CNTNAP2: variants seen among roughly 807,000 people sequenced by gnomAD.
CNTNAP2 encodes the protein contactin associated protein 2, also known as contactin-associated protein-like 2.
Under a neutral mutation model 155.2 loss-of-function variants are expected in CNTNAP2, and 98 were observed. The ratio of observed to expected loss-of-function variants is 0.63; its 90% CI spans 0.54 to 0.75. CNTNAP2 has a LOEUF of 0.75. CNTNAP2 is among the 30% of genes least tolerant of loss of function. The pLI is 0.00. For missense variants in CNTNAP2, 1,727 were observed against 1,688.1 expected (o/e 1.02, Z -0.40); for synonymous variants, 651 against 631.2 (o/e 1.03, Z -0.47).
At chr7:147,229,574 A>G (rs1563125592) in intron 8 of CNTNAP2, among the ~76,000 whole-genome samples, 1 of 152,246 alleles carries the variant, frequency 6.6e-6, no homozygotes, top group Non-Finnish European at 1.5e-5. Context: ...TAAACTTGAT[A>G]GAAAAGGCCA....
chr7:146,853,571 C>T (rs999780889), intron 3 of CNTNAP2, among the ~76,000 whole-genome samples: 3 of 152,180 alleles, frequency 2.0e-5, no homozygotes, highest in African/African-American at 7.2e-5. Context: ...TCACCATGCA[C>T]TGAGTACTTA....
At chr7:146,977,498 A>G (rs1324000405) in intron 3 of CNTNAP2, among the ~76,000 whole-genome samples, 5 of 152,210 alleles carry the variant, frequency 3.3e-5, no homozygotes, top group Non-Finnish European at 7.3e-5. Flanking sequence ...TTGATGGCCT[A>G]TTAGCCCTTT....
chr7:148,371,986 G>T (rs1334069198), intron 21 of CNTNAP2, among the ~76,000 whole-genome samples: 2 of 152,062 alleles, frequency 1.3e-5, no homozygotes, highest in African/African-American at 4.8e-5. Flanking sequence ...GGATCACAAG[G>T]TCAGGAGATC....
chr7:147,830,389 T>C (rs1388809085), intron 13 of CNTNAP2, among the ~76,000 whole-genome samples: 1 of 152,054 alleles, frequency 6.6e-6, no homozygotes, highest in African/African-American at 2.4e-5. Context: ...TAATACCATA[T>C]GTAAAGGCTC....
chr7:146,775,750 G>C (rs1802379708), intron 2 of CNTNAP2, among the ~76,000 whole-genome samples: 1 of 151,870 alleles, frequency 6.6e-6, no homozygotes, highest in African/African-American at 2.4e-5. Flanking sequence ...GACCAAAAAA[G>C]AGAAGAAAAT....
chr7:146,261,911 G>A (rs986800514), intron 1 of CNTNAP2, among the ~76,000 whole-genome samples: 4 of 152,158 alleles, frequency 2.6e-5, no homozygotes, highest in African/African-American at 9.7e-5. Flanking sequence ...AGGAAGAAAT[G>A]AAATTAAACT....
chr7:147,889,347 C>A (rs116956878), intron 13 of CNTNAP2, among the ~76,000 whole-genome samples: 4,986 of 151,598 alleles, frequency 0.033, 130 homozygotes, highest in Non-Finnish European at 0.053. Context: ...TAATTTTAGA[C>A]AATTAAAAAG....
intron 13 of CNTNAP2, among the ~76,000 whole-genome samples, chr7:147,812,748 A>T (rs1365488819): frequency 6.6e-6 from 1 of 152,172 alleles, no homozygotes; most frequent in Non-Finnish European, 1.5e-5. Context: ...ACTTCTTTTT[A>T]AAAAATGCTT....
At chr7:148,228,191 A>G (rs1232823576) in intron 19 of CNTNAP2, among the ~76,000 whole-genome samples, 3 of 152,150 alleles carry the variant, frequency 2.0e-5, no homozygotes, top group Admixed American at 1.3e-4. Flanking sequence ...GCTCTGAGAT[A>G]TCAACATGAA....
rs928096594 is a variant in CNTNAP2 at position 147,832,754 on chromosome 7, A to G, written c.2099-70811A>G. Among the ~76,000 whole-genome samples, 247 of 145,052 alleles carry G rather than the reference A, an allele frequency of 1.7e-3. 1 individual carries two copies. Among genetic ancestry groups the G allele is most frequent in the African/African-American group, 5.8e-3 (234 of 40,648 alleles). ...TAAATATTTTATAATTTAATGACAT[A>G]TAAACATTTAATTAAATTGTACATT... On this transcript the variant is annotated intron_variant, in intron 13 of 23. Transcript: ENST00000361727.
rs112163050 is a variant in CNTNAP2, at chr7:148,061,920, T to TATAGATAG, written c.2384-56178_2384-56171dup. 2.9e-3 allele frequency among the ~76,000 whole-genome samples: 363 copies of TATAGATAG among 125,418 alleles called. 11 individuals are homozygous for TATAGATAG. The highest frequency in any genetic ancestry group is 0.016 in the East Asian group (67 of 4,284). 82.3% of individuals were successfully genotyped at this position (125,418 alleles called of 152,430 possible). ...ATAGATAGATAGATAGATAAACAGA[T>TATAGATAG]ATAGATAGATAGATAGATAGATAGA... On this transcript the variant is annotated intron_variant, in intron 15 of 23. Coordinates refer to ENST00000361727, the MANE Select transcript of CNTNAP2 (RefSeq NM_014141.6).
chr7:147,077,847 T>G (rs1800026283), intron 4 of CNTNAP2, among the ~76,000 whole-genome samples: 1 of 152,168 alleles, frequency 6.6e-6, no homozygotes, highest in African/African-American at 2.4e-5. Context: ...AAGTACTATA[T>G]AAATGTAATA....
chr7:146,765,175 T>A (rs1802173152), intron 1 of CNTNAP2, among the ~76,000 whole-genome samples: 1 of 152,182 alleles, frequency 6.6e-6, no homozygotes, highest in Non-Finnish European at 1.5e-5. Flanking sequence ...AAAAACTCAT[T>A]TGCTGGAGCC....
intron 2 of CNTNAP2, among the ~76,000 whole-genome samples, chr7:146,812,079 G>C (rs188900096): frequency 3.9e-5 from 6 of 152,228 alleles, no homozygotes; most frequent in Admixed American, 1.3e-4. Context: ...GGGTGTTGCT[G>C]TATAGATACC....
chr7:148,143,806 A>T (rs1304909484), intron 16 of CNTNAP2, among the ~76,000 whole-genome samples: 1 of 152,182 alleles, frequency 6.6e-6, no homozygotes, highest in Non-Finnish European at 1.5e-5. Context: ...TAAGAACCAC[A>T]GCTTCCCACC....
intron 18 of CNTNAP2, among the ~76,000 whole-genome samples, chr7:148,188,020 A>C (rs776853800): frequency 6.6e-6 from 1 of 151,674 alleles, no homozygotes; most frequent in African/African-American, 2.4e-5. Context: ...CACACACACA[A>C]AGCCACCCAC....
Position 147,121,067 on chromosome 7 carries a change from T to A in CNTNAP2, c.843T>A (p.Ile281=), listed in dbSNP as rs1461913561. ...ACCACCACTGGCACTCTGTGGTCATTGAGCGCCAGGGGCGGAGCATTAACC... is the reference window on the plus strand; with the variant it reads ...ACCACCACTGGCACTCTGTGGTCATAGAGCGCCAGGGGCGGAGCATTAACC... ...LDDHHWHSVV[I]ERQGRSINLT... The change falls in exon 6 of 24, where the codon ATT becomes ATA. Residue 281 remains isoleucine, a synonymous_variant. Transcript: ENST00000361727. The A allele has an allele frequency of 6.2e-7, 1 of 1,614,086 alleles. No homozygotes were observed. Among genetic ancestry groups the A allele is most frequent in the South Asian group, 1.1e-5 (1 of 91,080 alleles).
At chr7:147,866,993 T>C (rs1799241161) in intron 13 of CNTNAP2, among the ~76,000 whole-genome samples, 1 of 152,160 alleles carries the variant, frequency 6.6e-6, no homozygotes, top group South Asian at 2.1e-4. Context: ...CTCTCATTAT[T>C]ATGTTAGCTG....
intron 1 of CNTNAP2, among the ~76,000 whole-genome samples, chr7:146,595,931 C>G (rs893951206): frequency 6.6e-6 from 1 of 151,910 alleles, no homozygotes; most frequent in Non-Finnish European, 1.5e-5. Flanking sequence ...ATGGTAGTTG[C>G]TGAGGCCTTT....
Sources: gnomAD v4.1 joint callset for allele counts (sites outside exome capture counted in the v4.1 genomes callset) on GRCh38, gnomAD v4.1.1 for gene constraint, MANE v1.5 for transcripts, NCBI Gene and HGNC (gene_info 2026-07-23, HGNC 2026-07-21) for gene names.